SAMSN1: variants seen among roughly 807,000 people sequenced by gnomAD.
The protein encoded by SAMSN1 is SAM domain-containing protein SAMSN-1.
In SAMSN1, 31 loss-of-function variants were observed where a neutral mutation model predicts 42.0. The observed-to-expected ratio is 0.74, with a 90% CI of 0.55 to 1.00. The LOEUF (loss-of-function observed/expected upper bound fraction) is 1.00, where lower values mean the gene tolerates loss of function less well. Ranked by LOEUF, SAMSN1 falls within the 50% of genes least tolerant of loss-of-function variation. The pLI is 0.00. For missense variants in SAMSN1, 464 were observed against 439.4 expected, an observed-to-expected ratio of 1.06 and a Z score of -0.50; for synonymous variants, 178 against 151.9, an observed-to-expected ratio of 1.17 and a Z score of -1.26.
intron 7 of SAMSN1, among the ~76,000 whole-genome samples, chr21:14,497,283 G>A (rs1348653484): frequency 1.3e-5 from 2 of 152,178 alleles, no homozygotes; most frequent in African/African-American, 4.8e-5. Flanking sequence ...TTTTAAAAAT[G>A]TAGTTAATAA....
At chr21:14,538,692 G>T (rs1005027659) in intron 1 of SAMSN1, among the ~76,000 whole-genome samples, 1 of 152,130 alleles carries the variant, frequency 6.6e-6, no homozygotes, top group Non-Finnish European at 1.5e-5. Context: ...TGCACAGCAG[G>T]CAGTGCAGTG....
intron 1 of SAMSN1, among the ~76,000 whole-genome samples, chr21:14,539,699 G>T (rs939097365): frequency 2.6e-5 from 4 of 152,052 alleles, no homozygotes; most frequent in Admixed American, 2.0e-4. Flanking sequence ...AATCAATATC[G>T]TGAAAATGGC....
chr21:14,550,974 T>A (rs1980575982), upstream of SAMSN1, among the ~76,000 whole-genome samples: 1 of 152,122 alleles, frequency 6.6e-6, no homozygotes, highest in Non-Finnish European at 1.5e-5. Context: ...TTTGGCTCCT[T>A]GGGTAGATAT....
At chr21:14,645,328 T>C (rs1275339582) in intron 1 of SAMSN1, among the ~76,000 whole-genome samples, 1 of 152,210 alleles carries the variant, frequency 6.6e-6, no homozygotes, top group Non-Finnish European at 1.5e-5. Flanking sequence ...AGAGAGACTC[T>C]GTATGTTTGG....
At chr21:14,621,179 G>C (rs2123342604) in intron 2 of SAMSN1, among the ~76,000 whole-genome samples, 1 of 152,330 alleles carries the variant, frequency 6.6e-6, no homozygotes, top group South Asian at 2.1e-4. Flanking sequence ...TAGACAGGGT[G>C]GTTCCAAGAT....
intron 1 of SAMSN1, among the ~76,000 whole-genome samples, chr21:14,539,379 T>C (rs1447397489): frequency 2.6e-5 from 4 of 152,172 alleles, no homozygotes; most frequent in African/African-American, 9.7e-5. Context: ...GACATGATTG[T>C]ATATCTAGAA....
Position 14,523,039 on chromosome 21 carries a change from C to A in SAMSN1, c.58-1818G>T, listed in dbSNP as rs142383165. ...GTGCAAACCCTGCACAGACAGTGAC[C>A]CTGGTCAGGAACTGATTTTTTTTTC... On this transcript the variant is annotated intron_variant, in intron 1 of 7. Transcript: ENST00000400566. Among the ~76,000 whole-genome samples, 11 of 152,216 alleles carry A rather than the reference C, an allele frequency of 7.2e-5. No homozygotes were observed. The South Asian group carries it at 1.2e-3, about 17-fold the overall frequency.
intron 2 of SAMSN1, among the ~76,000 whole-genome samples, chr21:14,563,708 A>G (rs1342231995): frequency 6.6e-6 from 1 of 152,202 alleles, no homozygotes; most frequent in Non-Finnish European, 1.5e-5. Flanking sequence ...TGATTCATAC[A>G]AAGTTATATT....
chr21:14,525,057 A>AG (rs1229080609), intron 1 of SAMSN1, among the ~76,000 whole-genome samples: 3 of 152,210 alleles, frequency 2.0e-5, no homozygotes, highest in Non-Finnish European at 4.4e-5. Flanking sequence ...ATAGTTGATG[A>AG]GGGGAAATTG....
At chr21:14,626,523 G>GA (rs1391395217) in intron 2 of SAMSN1, among the ~76,000 whole-genome samples, 2 of 152,120 alleles carry the variant, frequency 1.3e-5, no homozygotes, top group Non-Finnish European at 2.9e-5. Flanking sequence ...AAAGACACAT[G>GA]AAAAAATGCT....
At chr21:14,582,069 T>G in intron 2 of SAMSN1, 1 of 1,365,290 alleles carries the variant, frequency 7.3e-7, no homozygotes, top group Middle Eastern at 2.1e-4. Flanking sequence ...ACTTTTGCTA[T>G]CTGTTTCTTT....
intron 2 of SAMSN1, among the ~76,000 whole-genome samples, chr21:14,552,646 T>A (rs980363558): frequency 1.3e-5 from 2 of 152,132 alleles, no homozygotes; most frequent in Admixed American, 1.3e-4. Flanking sequence ...GTTTGGAAGC[T>A]ACCCCAAGTT....
chr21:14,536,733 A>G (rs1979646863), intron 1 of SAMSN1, among the ~76,000 whole-genome samples: 1 of 152,180 alleles, frequency 6.6e-6, no homozygotes, highest in Non-Finnish European at 1.5e-5. Flanking sequence ...TTTAGGGGTG[A>G]ATTTCTGGTG....
At chr21:14,616,691 A>T (rs1443321283) in intron 2 of SAMSN1, among the ~76,000 whole-genome samples, 1 of 152,170 alleles carries the variant, frequency 6.6e-6, no homozygotes, top group Non-Finnish European at 1.5e-5. Flanking sequence ...TTTAAAAAAC[A>T]TTTACTGAAT....
At chr21:14,500,382 G>A (rs1472266784) in intron 6 of SAMSN1, 147 bp downstream of exon 6, 2 of 653,458 alleles carry the variant, frequency 3.1e-6, no homozygotes, top group East Asian at 2.7e-5. Flanking sequence ...AGTAATAAAA[G>A]AGAAATAAGA....
At chr21:14,612,827 G>C (rs1568830680) in intron 4 of SAMSN1, 2 of 684,750 alleles carry the variant, frequency 2.9e-6, no homozygotes, top group Non-Finnish European at 5.4e-6. Flanking sequence ...AAGAACTTGT[G>C]GGGAGACAGA....
At position 14,615,910 on chromosome 21, in the gene SAMSN1, T is replaced by C. The variant is rs565649717; in HGVS notation, c.197+66A>G. ...AAAAGTACTTTGGCACGAAGTCCACTAAAAATTCACATTCAACATTACAGA... is the reference window on the plus strand; with the variant it reads ...AAAAGTACTTTGGCACGAAGTCCACCAAAAATTCACATTCAACATTACAGA... On this transcript the variant is annotated intron_variant, in intron 3 of 15. Coordinates refer to the SAMSN1 transcript ENST00000647101. 27 of 316,696 alleles carry C rather than the reference T, an allele frequency of 8.5e-5. No homozygotes were observed. In the South Asian group the frequency reaches 1.3e-3, roughly 16 times the overall value. 19.6% of individuals were successfully genotyped at this position (316,696 alleles called of 1,614,324 possible).
intron 2 of SAMSN1, among the ~76,000 whole-genome samples, chr21:14,630,871 T>C (rs1431889485): frequency 2.0e-5 from 3 of 152,202 alleles, no homozygotes; most frequent in Non-Finnish European, 2.9e-5. Flanking sequence ...TTGATGATAA[T>C]ATAAGACAGA....
intron 2 of SAMSN1, among the ~76,000 whole-genome samples, chr21:14,581,420 G>A (rs1420862996): frequency 3.0e-5 from 4 of 133,634 alleles, no homozygotes; most frequent in Middle Eastern, 4.1e-3. Context: ...GGGCAGTGGC[G>A]CGATCTCGGC....
Sources: gnomAD v4.1 joint callset for allele counts (sites outside exome capture counted in the v4.1 genomes callset) on GRCh38, gnomAD v4.1.1 for gene constraint, MANE v1.5 for transcripts, NCBI Gene and HGNC (gene_info 2026-07-23, HGNC 2026-07-21) for gene names.